Variants in BOD1L1 observed in about 807,000 individuals in gnomAD.
BOD1L1 encodes biorientation of chromosomes in cell division protein 1-like 1.
BOD1L1 carries 86 observed loss-of-function variants against 240.7 expected under a neutral mutation model. The observed-to-expected ratio is 0.36, with a 90% confidence interval of 0.30 to 0.43. BOD1L1 has a LOEUF of 0.43. BOD1L1 is among the 20% of genes least tolerant of loss of function. BOD1L1 has a pLI of 1.00. For synonymous variants in BOD1L1, 1,268 were observed against 1,272.3 expected, an observed-to-expected ratio of 1.00 and a Z score of 0.07; for missense variants, 3,554 against 3,643.5, an observed-to-expected ratio of 0.98 and a Z score of 0.63.
rs1324766444 is a variant in BOD1L1, at chr4:13,604,709, CTCTT to C, written c.2187_2190del (p.Glu731LysfsTer10). The C allele has an allele frequency of 6.3e-7, 1 of 1,597,268 alleles. No homozygotes were observed. Among genetic ancestry groups the C allele is most frequent in the Non-Finnish European group, 8.5e-7 (1 of 1,176,036 alleles). ...AATTTGTCTTCCGATGGAGTTTTCT[CTCTT>C]TCAGGCTTCTCCTTGGAGGATTTCA... On this transcript the variant is annotated frameshift_variant, in exon 10 of 26. Coordinates refer to ENST00000040738, the MANE Select transcript of BOD1L1 (RefSeq NM_148894.3). LOFTEE classifies it high-confidence loss of function.
chr4:13,580,048 G>A (rs1174927478), intron 21 of BOD1L1, 75 bp from the exon 22 acceptor site: 11 of 1,067,972 alleles, frequency 1.0e-5, no homozygotes, highest in Non-Finnish European at 1.3e-5. Context: ...TGCAATCAAT[G>A]ATGTAAAGGT....
At chr4:13,584,443 T>TGTGA (rs1560184314) in intron 17 of BOD1L1, among the ~76,000 whole-genome samples, 2 of 75,814 alleles carry the variant, frequency 2.6e-5, no homozygotes, top group African/African-American at 2.2e-4. Flanking sequence ...AGAGAGAGAG[T>TGTGA]GTGTGTGTGT....
chr4:13,591,038 G>A (rs1302018845), intron 13 of BOD1L1, among the ~76,000 whole-genome samples: 1 of 151,670 alleles, frequency 6.6e-6, no homozygotes, highest in Non-Finnish European at 1.5e-5. Context: ...CCCATTTAAA[G>A]TCTTTTTAAA....
rs756255203 is a variant in BOD1L1, at chr4:13,595,884, A to G, written c.8080T>C (p.Cys2694Arg). ...CCTATTCCACTTGGCTTTCCCCCACACAGACTTTCTGGTGGTGCCAGAATT... is the reference window on the plus strand; with the variant it reads ...CCTATTCCACTTGGCTTTCCCCCACGCAGACTTTCTGGTGGTGCCAGAATT... ...GEILAPPESL[C>R]GGKPSGIAEL... Residue 2694 changes from cysteine to arginine, a missense_variant, in exon 12 of 26, where the codon TGT becomes CGT. Coordinates refer to ENST00000040738, the MANE Select transcript of BOD1L1 (RefSeq NM_148894.3). 4.3e-6 allele frequency: 7 copies of G among 1,613,830 alleles called. No individual in the cohort carries two copies. Among genetic ancestry groups the G allele is most frequent in the Non-Finnish European group, 5.9e-6 (7 of 1,179,852 alleles).
intron 1 of BOD1L1, chr4:13,623,513 T>G (rs976687000): frequency 2.6e-5 from 4 of 152,282 alleles, no homozygotes; most frequent in Non-Finnish European, 5.9e-5. Flanking sequence ...ATCTGGAAAC[T>G]GGTAGTCTAT....
At position 13,576,897 on chromosome 4, in the gene BOD1L1, CTCT is replaced by C; in HGVS notation, c.8976_8978del (p.Glu2995del). ...TGGCTCCTGAAGGCTCGTCCTCTTCCTCTTCTTCCTCTTCCTCATCAGACTCCT... is the reference window on the plus strand; with the variant it reads ...TGGCTCCTGAAGGCTCGTCCTCTTCCTCTTCCTCTTCCTCATCAGACTCCT... On this transcript the variant is annotated inframe_deletion, in exon 25 of 26. Transcript: ENST00000040738. The C allele has an allele frequency of 1.2e-6, 2 of 1,613,978 alleles. No homozygotes were observed. Among genetic ancestry groups the C allele is most frequent in the Non-Finnish European group, 1.7e-6 (2 of 1,179,860 alleles).
At position 13,601,223 on chromosome 4, in the gene BOD1L1, T is replaced by C. The variant is rs374673997; in HGVS notation, c.5677A>G (p.Ser1893Gly). Reference sequence around the variant, plus strand: ...CTTTCACAAATCAAGACCCCTTCACTTTCTTCTCCTAACCCTGTACAAGTT... The same window carrying C: ...CTTTCACAAATCAAGACCCCTTCACCTTCTTCTCCTAACCCTGTACAAGTT... ...ASTCTGLGEESEGVLICESAE... is the reference protein window; with the variant it reads ...ASTCTGLGEEGEGVLICESAE... The change falls in exon 10 of 26, where the codon AGT becomes GGT. Residue 1893 changes from serine to glycine, a missense_variant. Transcript: ENST00000040738. The C allele has an allele frequency of 1.9e-6, 3 of 1,613,992 alleles. No homozygotes were observed. The African/African-American group carries it at 4.0e-5, about 22-fold the overall frequency.
chr4:13,569,914 T>C lies in BOD1L1; in HGVS notation c.*97A>G. ...CCTAGGGACTTACAGCACATGCATATCTTTTTCCTGGTTAAAGAGAAGCCT... is the reference window on the plus strand; with the variant it reads ...CCTAGGGACTTACAGCACATGCATACCTTTTTCCTGGTTAAAGAGAAGCCT... On this transcript the variant is annotated 3_prime_UTR_variant, in exon 26 of 26. Transcript: ENST00000040738. The C allele has an allele frequency of 2.3e-6, 2 of 869,712 alleles. No individual in the cohort carries two copies. Among genetic ancestry groups the C allele is most frequent in the Non-Finnish European group, 1.6e-6 (1 of 613,474 alleles). 53.9% of individuals were successfully genotyped at this position (869,712 alleles called of 1,614,324 possible).
chr4:13,624,905 G>T (rs1223040312), intron 1 of BOD1L1: 2 of 152,200 alleles, frequency 1.3e-5, no homozygotes, highest in African/African-American at 2.4e-5. Flanking sequence ...AGGTTCAAGT[G>T]GCAGATGAAA....
chr4:13,570,116 C>T lies in BOD1L1; in HGVS notation c.9051G>A (p.Gln3017=), dbSNP rs771487493. The change falls in exon 26 of 26, where the codon CAG becomes CAA. Residue 3017 remains glutamine (Q), a synonymous_variant. Coordinates refer to ENST00000040738, the MANE Select transcript of BOD1L1 (RefSeq NM_148894.3). ...TRSEAQRSKT[Q]LSPSIKRKRE... The stretch of plus-strand genomic sequence containing the variant: ...TCTTGCGCTTGATAGAAGGGGAGAG[C>T]TGTGTCTTTGATCTGCATTAAGCAA... The T allele has an allele frequency of 1.3e-6, 2 of 1,594,890 alleles. No homozygotes were observed. The highest frequency in any genetic ancestry group is 1.8e-5 in the Admixed American group (1 of 55,650).
At chr4:13,625,803 T>C (rs1219118334) in intron 1 of BOD1L1, 1 of 152,132 alleles carries the variant, frequency 6.6e-6, no homozygotes, top group African/African-American at 2.4e-5. Flanking sequence ...ACTTCCTAAA[T>C]AGATGAACAC....
Position 13,604,203 on chromosome 4 carries a change from T to C in BOD1L1, c.2697A>G (p.Arg899=). Residue 899 remains arginine, a synonymous_variant, in exon 10 of 26, where the codon CGA becomes CGG. Transcript: ENST00000040738. ...GTTTCTCTTCTAACAAGCTCTTTGT[T>C]CGTCGTTTCTCCTTGTGAACAACCT... ...PEEVVHKEKR[R]TKSLLEEKLV... The C allele has an allele frequency of 3.1e-6, 5 of 1,613,670 alleles. No individual in the cohort carries two copies. The highest frequency in any genetic ancestry group is 4.2e-6 in the Non-Finnish European group (5 of 1,179,812).
rs1413468139 is a variant in BOD1L1 at position 13,577,426 on chromosome 4, G to C, written c.8861C>G (p.Ser2954Cys). The change falls in exon 24 of 26, where the codon TCT (serine) becomes TGT (cysteine). Residue 2954 changes from serine (S) to cysteine (C), a missense_variant. By Grantham distance (112) the Ser-to-Cys change is moderately radical (BLOSUM62 -1). Transcript: ENST00000040738. ...ACCAGCATCATCTGATACAGTGAGA[G>C]AACGTTTGGGTTTTCTTCCTCTCCG... ...VRRRGRKPKR[S>C]LTVSDDAESS... 1.2e-6 allele frequency: 2 copies of C among 1,613,746 alleles called. No individual in the cohort carries two copies. The highest frequency in any genetic ancestry group is 2.7e-5 in the African/African-American group (2 of 75,032).
intron 1 of BOD1L1, chr4:13,623,240 G>A (rs1331776704): frequency 6.6e-6 from 1 of 151,834 alleles, no homozygotes; most frequent in African/African-American, 2.4e-5. Context: ...GTTCACTGCT[G>A]TATCCCTGGC....
intron 14 of BOD1L1, among the ~76,000 whole-genome samples, chr4:13,589,105 G>T (rs1188557864): frequency 6.6e-6 from 1 of 152,166 alleles, no homozygotes; most frequent in African/African-American, 2.4e-5. Flanking sequence ...CCCAGTTTGT[G>T]TAGCAACACA....
Position 13,604,687 on chromosome 4 carries a change from T to C in BOD1L1, c.2213A>G (p.Lys738Arg), listed in dbSNP as rs906782039. ...PEREKTPSED[K>R]LSVKHKYKGD... is the part of the protein sequence containing the mutation. Reference sequence around the variant, plus strand: ...TTTATATTTATGTTTCACAGACAATTTGTCTTCCGATGGAGTTTTCTCTCT... The same window carrying C: ...TTTATATTTATGTTTCACAGACAATCTGTCTTCCGATGGAGTTTTCTCTCT... The change falls in exon 10 of 26, where the codon AAA becomes AGA. Residue 738 changes from lysine to arginine, a missense_variant. This residue lies in a region of BOD1L1 where 3,393 missense variants were observed against 3,427.1 expected (regional missense o/e 0.99). Transcript: ENST00000040738. 1 of 1,594,198 alleles carries C rather than the reference T, an allele frequency of 6.3e-7. No individual in the cohort carries two copies. The highest frequency in any genetic ancestry group is 2.2e-5 in the East Asian group (1 of 44,746).
In BOD1L1 at chr4:13,604,816, C is replaced by G. The variant is rs541384346; in HGVS notation, c.2084G>C (p.Ser695Thr). The change falls in exon 10 of 26, where the codon AGC (serine) becomes ACC (threonine). Residue 695 changes from serine to threonine, a missense_variant. By Grantham distance (58) the Ser-to-Thr change is moderately conservative (BLOSUM62 1). Coordinates refer to ENST00000040738, the MANE Select transcript of BOD1L1 (RefSeq NM_148894.3). ...TAGATGCTTTTCGTTTTTAAGTGTG[C>G]TTTTCTGTTTCTGGGGCTCTTCGGT... ...ICTEEPQKQK[S>T]TLKNEKHLKK... 307 of 1,612,602 alleles carry G rather than the reference C, an allele frequency of 1.9e-4. 3 individuals are homozygous for G. The Admixed American group carries it at 5.0e-3, about 26-fold the overall frequency.
At position 13,614,695 on chromosome 4, in the gene BOD1L1, T is replaced by G. The variant is rs1448719770; in HGVS notation, c.675A>C (p.Ser225=). 2 of 1,613,842 alleles carry G rather than the reference T, an allele frequency of 1.2e-6. No homozygotes were observed. Among genetic ancestry groups the G allele is most frequent in the Non-Finnish European group, 1.7e-6 (2 of 1,179,880 alleles). ...ASAARASTET[S]NAKTSERASK... The stretch of plus-strand genomic sequence containing the variant: ...ACGCTCTCTCACTGGTCTTGGCATT[T>G]GATGTTTCTGTTGAAGCCCTAGCAG... Residue 225 remains serine, a synonymous_variant, in exon 4 of 26, where the codon TCA becomes TCC. Coordinates refer to ENST00000040738, the MANE Select transcript of BOD1L1 (RefSeq NM_148894.3).
intron 6 of BOD1L1, 71 bp from the exon 7 acceptor site, chr4:13,609,477 TA>T: frequency 9.3e-7 from 1 of 1,074,698 alleles, no homozygotes; most frequent in South Asian, 2.1e-5. Flanking sequence ...GTATTTTTTT[TA>T]AAGTTTTAGT....
Sources: gnomAD v4.1 joint callset for allele counts (sites outside exome capture counted in the v4.1 genomes callset) on GRCh38, gnomAD v4.1.1 for gene constraint, gnomAD v4.1.1 regional missense constraint, MANE v1.5 for transcripts, NCBI Gene and HGNC (gene_info 2026-07-23, HGNC 2026-07-21) for gene names.